Variants in CLGN observed in about 807,000 individuals in gnomAD.
CLGN encodes the protein testis tissue sperm-binding protein Li 79P.
In CLGN, 62 loss-of-function variants were observed where a neutral mutation model predicts 79.1. The ratio of observed to expected loss-of-function variants is 0.78; its 90% CI spans 0.64 to 0.97. The LOEUF (loss-of-function observed/expected upper bound fraction) is 0.97, where lower values mean the gene tolerates loss of function less well. Ranked by LOEUF, CLGN falls within the 50% of genes least tolerant of loss-of-function variation. The pLI, the probability that CLGN is intolerant of heterozygous loss-of-function variation, is 0.00. For synonymous variants in CLGN, 225 were observed against 224.7 expected (o/e 1.00, Z -0.01); for missense variants, 647 against 715.5 (o/e 0.90, Z 1.09).
Position 140,415,742 on chromosome 4 carries a change from A to T in CLGN, c.-9-2655T>A, listed in dbSNP as rs1472218649. Among the ~76,000 whole-genome samples, 6 of 132,148 alleles carry T rather than the reference A, an allele frequency of 4.5e-5. No individual in the cohort carries two copies. In the East Asian group the frequency reaches 6.6e-4, roughly 15 times the overall value. The allele number at this position is 132,148 out of a possible 152,430, so 86.7% of individuals were successfully genotyped here. ...TACAAAGAGACTTAGACTCCCACAC[A>T]TTAATAATGGGAGACTTTAACACCC... On this transcript the variant is annotated intron_variant, in intron 1 of 14. Coordinates refer to ENST00000325617, the MANE Select transcript of CLGN (RefSeq NM_004362.3).
Position 140,389,027 on chromosome 4 carries a change from C to T in CLGN, c.*197G>A. ...CGATATGTAATGTGCCACTTTTATT[C>T]TAAATTCAAAGATGAGGTAACTTCA... On this transcript the variant is annotated 3_prime_UTR_variant, in exon 15 of 15. Coordinates refer to ENST00000325617, the MANE Select transcript of CLGN (RefSeq NM_004362.3). The T allele has an allele frequency of 1.8e-6, 1 of 550,528 alleles. No individual in the cohort carries two copies. Among genetic ancestry groups the T allele is most frequent in the Non-Finnish European group, 3.2e-6 (1 of 309,092 alleles). The allele number at this position is 550,528 out of a possible 1,614,324, so 34.1% of individuals were successfully genotyped here.
Position 140,407,076 on chromosome 4 carries a change from T to C in CLGN, c.278-993A>G, listed in dbSNP as rs577508698. Among the ~76,000 whole-genome samples the C allele has an allele frequency of 3.2e-4, 48 of 152,216 alleles. No homozygotes were observed. In the South Asian group the frequency reaches 8.9e-3, roughly 28 times the overall value. On this transcript the variant is annotated intron_variant, in intron 4 of 14. Transcript: ENST00000325617. ...AGTCTTATAAATCAAAGAGGGGTAA[T>C]TTTTGGTCTATAATTGTACATACAT... is the stretch of plus-strand genomic sequence containing the variant.
intron 5 of CLGN, among the ~76,000 whole-genome samples, chr4:140,404,352 C>G (rs1186545004): frequency 6.6e-6 from 1 of 152,178 alleles, no homozygotes; most frequent in Non-Finnish European, 1.5e-5. Flanking sequence ...CTTGGCCTCC[C>G]AAAGTGCTGG....
chr4:140,409,766 A>G, intron 4 of CLGN, 71 bp downstream of exon 4: 1 of 1,017,490 alleles, frequency 9.8e-7, no homozygotes, highest in Non-Finnish European at 1.4e-6. Context: ...AATTTAACAA[A>G]AATCTAATCT....
At chr4:140,408,399 A>C (rs887052506) in intron 4 of CLGN, among the ~76,000 whole-genome samples, 1 of 152,200 alleles carries the variant, frequency 6.6e-6, no homozygotes, top group African/African-American at 2.4e-5. Flanking sequence ...GATAACCCAC[A>C]GTGTGGGAGA....
At chr4:140,413,125 A>G in intron 1 of CLGN, 38 bp from the exon 2 acceptor site, 1 of 1,515,646 alleles carries the variant, frequency 6.6e-7, no homozygotes. Context: ...ATAAAACAAA[A>G]TTGTGAAAAT....
chr4:140,396,874 CATATATATATATATATGT>C (rs1437872454), intron 8 of CLGN, among the ~76,000 whole-genome samples: 11 of 109,538 alleles, frequency 1.0e-4, no homozygotes, highest in African/African-American at 3.7e-4. Flanking sequence ...TATATATATA[CATATATATATATATATGT>C]ATATATATAT....
At chr4:140,390,789 G>T (rs1015585737) in intron 13 of CLGN, 61 bp from the exon 14 acceptor site, 22 of 1,081,756 alleles carry the variant, frequency 2.0e-5, no homozygotes, top group Admixed American at 1.1e-4. Flanking sequence ...CTACTGAAAA[G>T]TATTAAATAC....
intron 5 of CLGN, among the ~76,000 whole-genome samples, chr4:140,405,164 AT>A (rs33924118): frequency 0.014 from 1,199 of 85,344 alleles, 16 homozygotes; most frequent in African/African-American, 0.036. Context: ...ATAACAAGTA[AT>A]TTTTTTTATT....
chr4:140,409,781 G>A, intron 4 of CLGN, 56 bp downstream of exon 4: 1 of 1,184,042 alleles, frequency 8.4e-7, no homozygotes, highest in Non-Finnish European at 1.2e-6. Context: ...TAATCTCAAA[G>A]TTTAGTGAAC....
Position 140,388,586 on chromosome 4 carries a change from T to C in CLGN, c.*638A>G, listed in dbSNP as rs1204648337. 1 of 151,958 alleles carries C rather than the reference T, an allele frequency of 6.6e-6. No homozygotes were observed. The highest frequency in any genetic ancestry group is 2.4e-5 in the African/African-American group (1 of 41,448). 9.4% of individuals were successfully genotyped at this position (151,958 alleles called of 1,614,324 possible). A position where few individuals can be genotyped will look rare whatever the true frequency, so the allele number is the denominator to read the frequency against. On this transcript the variant is annotated 3_prime_UTR_variant, in exon 15 of 15. Transcript: ENST00000325617. Reference sequence around the variant, plus strand: ...AAAAAATCTGTACATCATTTTGTTTTGATAAAACCCATTATCCTTGTATTC... The same window carrying C: ...AAAAAATCTGTACATCATTTTGTTTCGATAAAACCCATTATCCTTGTATTC...
chr4:140,396,908 TATATATATATATATACAC>T (rs1728899066), intron 8 of CLGN, among the ~76,000 whole-genome samples: 1 of 10,336 alleles, frequency 9.7e-5, no homozygotes, highest in Non-Finnish European at 3.4e-4. Flanking sequence ...TATATATATG[TATATATATATATATACAC>T]ATATATATAT....
intron 2 of CLGN, among the ~76,000 whole-genome samples, chr4:140,411,427 A>G (rs1168500776): frequency 6.6e-6 from 1 of 152,130 alleles, no homozygotes; most frequent in Non-Finnish European, 1.5e-5. Context: ...CTGATAAACT[A>G]TCAAGAGATA....
At position 140,398,667 on chromosome 4, in the gene CLGN, A is replaced by G. The variant is rs138076696; in HGVS notation, c.884+184T>C. ...AAATGCAACATAATTATCAATAGAA[A>G]TAAAAAAAAATTACAGGGAGGGAAG... On this transcript the variant is annotated intron_variant, in intron 8 of 14. Coordinates refer to ENST00000325617, the MANE Select transcript of CLGN (RefSeq NM_004362.3). Among the ~76,000 whole-genome samples, 576 of 152,276 alleles carry G rather than the reference A, an allele frequency of 3.8e-3. 4 individuals are homozygous for G. The highest frequency in any genetic ancestry group is 0.012 in the South Asian group (59 of 4,824).
chr4:140,395,664 A>G (rs1017825674), intron 10 of CLGN, among the ~76,000 whole-genome samples, 155 bp downstream of exon 10: 3 of 152,208 alleles, frequency 2.0e-5, no homozygotes, highest in African/African-American at 7.2e-5. Context: ...TTGATGCTCT[A>G]CTTTTAAAAT....
chr4:140,413,011 T>C lies in CLGN; in HGVS notation c.68A>G (p.Asp23Gly), dbSNP rs749457323. ...LFISINAEFM[D>G]DDVETEDFEE... is the part of the protein sequence containing the mutation. ...AAAGTCTTCCGTCTCAACATCATCA[T>C]CCATAAATTCTGCATTAATTGAGAT... Residue 23 changes from aspartate to glycine, a missense_variant, in exon 2 of 15, where the codon GAT becomes GGT. Transcript: ENST00000325617. The C allele has an allele frequency of 3.7e-6, 6 of 1,613,346 alleles. No individual in the cohort carries two copies. The highest frequency in any genetic ancestry group is 2.2e-5 in the South Asian group (2 of 91,032).
At position 140,388,546 on chromosome 4, in the gene CLGN, C is replaced by T. The variant is rs1273618764; in HGVS notation, c.*678G>A. 5.9e-5 allele frequency: 9 copies of T among 151,600 alleles called. No homozygotes were observed. Among genetic ancestry groups the T allele is most frequent in the African/African-American group, 1.5e-4 (6 of 41,346 alleles). 9.4% of individuals were successfully genotyped at this position (151,600 alleles called of 1,614,324 possible). The stretch of plus-strand genomic sequence containing the variant: ...GGTAAACCACTCTGGCATAAAGCAA[C>T]TATAAAAACTTGAAAAAAAATCTGT... On this transcript the variant is annotated 3_prime_UTR_variant, in exon 15 of 15. Transcript: ENST00000325617.
chr4:140,394,814 G>C (rs948087357), intron 10 of CLGN, among the ~76,000 whole-genome samples: 2 of 152,132 alleles, frequency 1.3e-5, no homozygotes, highest in Admixed American at 6.5e-5. Flanking sequence ...GATAAAACTA[G>C]AGGGTTAAGT....
At position 140,394,215 on chromosome 4, in the gene CLGN, T is replaced by C. The variant is rs992372237; in HGVS notation, c.1150-174A>G. Among the ~76,000 whole-genome samples, 3 of 152,200 alleles carry C rather than the reference T, an allele frequency of 2.0e-5. No homozygotes were observed. In the East Asian group the frequency reaches 5.8e-4, roughly 29 times the overall value. On this transcript the variant is annotated intron_variant, in intron 10 of 14. Coordinates refer to ENST00000325617, the MANE Select transcript of CLGN (RefSeq NM_004362.3). ...ATATAAAATCTTGTTTCTTTTGCTG[T>C]GTACACAATGTTCCCTACGAGTGAT...
Sources: gnomAD v4.1 joint callset for allele counts (sites outside exome capture counted in the v4.1 genomes callset) on GRCh38, gnomAD v4.1.1 for gene constraint, MANE v1.5 for transcripts, NCBI Gene and HGNC (gene_info 2026-07-23, HGNC 2026-07-21) for gene names.